The following DEK variants were observed in gnomAD, a reference collection of about 807,000 sequenced individuals.
DEK encodes DEK proto-oncogene.
Under a neutral mutation model 46.8 loss-of-function variants are expected in DEK, and 28 were observed. That is an observed-to-expected ratio of 0.60 (90% CI 0.44 to 0.82). DEK has a LOEUF of 0.82. Ranked by LOEUF, DEK falls within the 40% of genes least tolerant of loss-of-function variation. The probability of loss-of-function intolerance (pLI) is 0.00; values close to 1 mark genes in which losing one functional copy is unlikely to be tolerated. For synonymous variants in DEK, 160 were observed against 144.5 expected (o/e 1.11, Z -0.77); for missense variants, 416 against 430.6 (o/e 0.97, Z 0.30).
chr6:18,263,457 T>A (rs952802913), intron 2 of DEK, among the ~76,000 whole-genome samples: 16 of 151,560 alleles, frequency 1.1e-4, no homozygotes, highest in Admixed American at 9.9e-4. Context: ...GCAAAAGATG[T>A]GTAATGAAAA....
chr6:18,257,913 A>G, intron 4 of DEK, 40 bp downstream of exon 4: 1 of 1,398,830 alleles, frequency 7.1e-7, no homozygotes, highest in South Asian at 1.3e-5. Flanking sequence ...TCCATTGTGA[A>G]GTAATATACA....
intron 9 of DEK, among the ~76,000 whole-genome samples, chr6:18,231,013 A>T (rs1561973800): frequency 6.8e-6 from 1 of 146,996 alleles, no homozygotes; most frequent in African/African-American, 2.4e-5. Flanking sequence ...ATTTTAACAA[A>T]CTCTCTCTCA....
At chr6:18,245,904 T>C (rs986866193) in intron 7 of DEK, among the ~76,000 whole-genome samples, 1 of 152,248 alleles carries the variant, frequency 6.6e-6, no homozygotes, top group Non-Finnish European at 1.5e-5. Context: ...CTCATGACAG[T>C]GAAACAGTCT....
Position 18,256,365 on chromosome 6 carries a change from T to C in DEK, c.448A>G (p.Lys150Glu). The C allele has an allele frequency of 6.2e-7, 1 of 1,609,190 alleles. No homozygotes were observed. The highest frequency in any genetic ancestry group is 8.5e-7 in the Non-Finnish European group (1 of 1,177,012). ...GTATTTATAAAAATAACTTACTTTT[T>C]CAACATTTCTTCCTTCTTTTTATAT... is the stretch of plus-strand genomic sequence containing the variant. ...VQYKKKEEML[K>E]KFRNAMLKSI... Residue 150 changes from lysine to glutamate, a missense_variant, in exon 5 of 11, where the codon AAA becomes GAA. Coordinates refer to ENST00000652689, the MANE Select transcript of DEK (RefSeq NM_003472.4).
intron 9 of DEK, among the ~76,000 whole-genome samples, chr6:18,229,916 T>C (rs374243299): frequency 6.4e-4 from 98 of 152,152 alleles, no homozygotes; most frequent in African/African-American, 2.2e-3. Context: ...AACTCCAAGA[T>C]ACATAATTGC....
intron 9 of DEK, among the ~76,000 whole-genome samples, chr6:18,230,467 C>T (rs1219105425): frequency 1.3e-5 from 2 of 152,108 alleles, no homozygotes; most frequent in African/African-American, 2.4e-5. Flanking sequence ...CATCAGTGTG[C>T]TGTATTCAGG....
intron 9 of DEK, among the ~76,000 whole-genome samples, chr6:18,227,500 C>G (rs1473069541): frequency 2.0e-5 from 3 of 152,188 alleles, no homozygotes; most frequent in Admixed American, 1.3e-4. Flanking sequence ...CCACATCCCC[C>G]TCTCCGAGAA....
chr6:18,231,603 C>G (rs1015603257), intron 9 of DEK, among the ~76,000 whole-genome samples: 2 of 152,150 alleles, frequency 1.3e-5, no homozygotes, highest in African/African-American at 4.8e-5. Context: ...CGCAAATAAA[C>G]TAGAAAATCT....
intron 5 of DEK, 144 bp downstream of exon 5, chr6:18,256,217 C>A: frequency 1.6e-6 from 1 of 641,186 alleles, no homozygotes; most frequent in South Asian, 2.1e-5. Flanking sequence ...AAACTCCTGA[C>A]CTCAGGTGAT....
In DEK at chr6:18,237,374, A is replaced by G. The variant is rs1382309960; in HGVS notation, c.898+7T>C. 17 of 1,588,592 alleles carry G rather than the reference A, an allele frequency of 1.1e-5. No individual in the cohort carries two copies. The highest frequency in any genetic ancestry group is 1.4e-5 in the Non-Finnish European group (17 of 1,174,000). ...AAAGTTGCTGATTAATGTTATTTCT[A>G]ACATACCTTTTTTGGAACTGTTTTG... On this transcript the variant is annotated splice_region_variant and intron_variant, in intron 8 of 10. Coordinates refer to ENST00000652689, the MANE Select transcript of DEK (RefSeq NM_003472.4).
In DEK at chr6:18,223,897, T is replaced by C. The variant is rs1444417763; in HGVS notation, c.*1822A>G. 6.6e-6 allele frequency: 1 copy of C among 152,230 alleles called. No individual in the cohort carries two copies. Among genetic ancestry groups the C allele is most frequent in the African/African-American group, 2.4e-5 (1 of 41,456 alleles). The allele number at this position is 152,230 out of a possible 1,614,324, so 9.4% of individuals were successfully genotyped here. A position where few individuals can be genotyped will look rare whatever the true frequency, so the allele number is the denominator to read the frequency against. On this transcript the variant is annotated 3_prime_UTR_variant, in exon 11 of 11. Coordinates refer to ENST00000652689, the MANE Select transcript of DEK (RefSeq NM_003472.4). ...GATACATCCATTTAATAAGTGTGCG[T>C]ACTCATCAAGAACTTTCATACAGAA...
At chr6:18,253,424 T>C (rs1276395712) in intron 6 of DEK, among the ~76,000 whole-genome samples, 1 of 152,206 alleles carries the variant, frequency 6.6e-6, no homozygotes, top group South Asian at 2.1e-4. Flanking sequence ...TCTGATGAGA[T>C]GATATTTATA....
chr6:18,237,288 T>G (rs1246870141), intron 8 of DEK, 93 bp downstream of exon 8: 129 of 1,404,820 alleles, frequency 9.2e-5, no homozygotes, highest in Non-Finnish European at 1.1e-4. Flanking sequence ...CTCTGCAGTT[T>G]ACCTGTTTCT....
intron 9 of DEK, among the ~76,000 whole-genome samples, chr6:18,229,318 G>C (rs188071534): frequency 1.3e-5 from 2 of 152,294 alleles, no homozygotes; most frequent in Admixed American, 6.5e-5. Flanking sequence ...CTAAAAATTA[G>C]AGCGCCTCTT....
At position 18,258,310 on chromosome 6, in the gene DEK, C is replaced by G. The variant is rs758050560; in HGVS notation, c.241G>C (p.Ala81Pro). 6 of 1,605,960 alleles carry G rather than the reference C, an allele frequency of 3.7e-6. No individual in the cohort carries two copies. The highest frequency in any genetic ancestry group is 5.1e-6 in the Non-Finnish European group (6 of 1,177,832). ...GAAGCTAGAATAAACTTACCTTGTG[C>G]AATTGTAAATGGCTCTCTCTGTAAG... ...SSLQREPFTI[A>P]QGKGQKLCEI... Residue 81 changes from alanine (A) to proline (P), a missense_variant, in exon 3 of 11, where the codon GCA becomes CCA. Physicochemically the swap from Ala to Pro is conservative, Grantham distance 27 (BLOSUM62 -1). Coordinates refer to ENST00000652689, the MANE Select transcript of DEK (RefSeq NM_003472.4).
In DEK at chr6:18,236,543, G is replaced by A; in HGVS notation, c.956C>T (p.Pro319Leu). Residue 319 changes from proline to leucine, a missense_variant, in exon 9 of 11, where the codon CCC becomes CTC. By Grantham distance (98) the Pro-to-Leu change is moderately conservative. Transcript: ENST00000652689. Reference sequence around the variant, plus strand: ...TTCCTTTAACTCTTCATCTGTAGGGGGTTTCTTCAACTTTTTAATTAAAGG... The same window carrying A: ...TTCCTTTAACTCTTCATCTGTAGGGAGTTTCTTCAACTTTTTAATTAAAGG... Reference protein sequence around the residue: ...DEPLIKKLKKPPTDEELKETI... With the variant: ...DEPLIKKLKKLPTDEELKETI... 1 of 1,587,804 alleles carries A rather than the reference G, an allele frequency of 6.3e-7. No homozygotes were observed. The highest frequency in any genetic ancestry group is 8.5e-7 in the Non-Finnish European group (1 of 1,172,036).
chr6:18,244,372 A>C, intron 7 of DEK: 5 of 358,698 alleles, frequency 1.4e-5, no homozygotes, highest in South Asian at 1.2e-4. Context: ...TTTTTAAAGG[A>C]TCAGTAATAC....
chr6:18,247,714 C>T (rs1791185707), intron 7 of DEK, among the ~76,000 whole-genome samples: 1 of 151,578 alleles, frequency 6.6e-6, no homozygotes, highest in Non-Finnish European at 1.5e-5. Flanking sequence ...GCTCGTTGCT[C>T]AGGCTGGAGA....
rs1325322816 is a variant in DEK at position 18,261,512 on chromosome 6, G to A, written c.145+2331C>T. ...CCTTGAACCAGGAGGCAGAGGTTGC[G>A]GTTAGCCGAGGTCAGGCCACTGCAC... On this transcript the variant is annotated intron_variant, in intron 2 of 10. Transcript: ENST00000652689. 3.3e-5 allele frequency among the ~76,000 whole-genome samples: 5 copies of A among 152,024 alleles called. No individual in the cohort carries two copies. In the East Asian group the frequency reaches 7.8e-4, roughly 24 times the overall value.
Sources: gnomAD v4.1 joint callset for allele counts (sites outside exome capture counted in the v4.1 genomes callset) on GRCh38, gnomAD v4.1.1 for gene constraint, MANE v1.5 for transcripts, NCBI Gene and HGNC (gene_info 2026-07-23, HGNC 2026-07-21) for gene names.